The following AFF3 variants were observed in gnomAD, a reference collection of about 807,000 sequenced individuals.
The protein encoded by AFF3 is ALF transcription elongation factor 3, also known as AF4/FMR2 family member 3.
AFF3 carries 32 observed loss-of-function variants against 129.7 expected under a neutral mutation model. That is an observed-to-expected ratio of 0.25 (90% CI 0.19 to 0.33). The LOEUF (loss-of-function observed/expected upper bound fraction) is 0.33, where lower values mean the gene tolerates loss of function less well. Among genes scored for constraint, AFF3 ranks in the 10% least tolerant of loss-of-function variants. AFF3 has a pLI of 1.00. For synonymous variants in AFF3, 644 were observed against 635.4 expected, an observed-to-expected ratio of 1.01 and a Z score of -0.20; for missense variants, 1,373 against 1,592.0, an observed-to-expected ratio of 0.86 and a Z score of 2.34.
intron 12 of AFF3, among the ~76,000 whole-genome samples, chr2:99,650,416 G>A (rs908643814): frequency 2.7e-4 from 41 of 152,110 alleles, no homozygotes; most frequent in African/African-American, 9.4e-4. Flanking sequence ...AAAATTAGCT[G>A]GGTGTGGTGG....
intron 7 of AFF3, among the ~76,000 whole-genome samples, chr2:99,945,411 T>C (rs983557255): frequency 8.5e-5 from 13 of 152,182 alleles, no homozygotes; most frequent in African/African-American, 3.1e-4. Flanking sequence ...TCCCTGGGTC[T>C]CCCAGTTCTC....
chr2:100,041,012 C>T (rs1685381860), intron 4 of AFF3, among the ~76,000 whole-genome samples: 1 of 152,220 alleles, frequency 6.6e-6, no homozygotes, highest in Admixed American at 6.5e-5. Flanking sequence ...CAAGTCAATG[C>T]AGAGCCAAAG....
intron 14 of AFF3, among the ~76,000 whole-genome samples, chr2:99,596,370 T>A (rs1575462829): frequency 6.6e-6 from 1 of 152,050 alleles, no homozygotes. Context: ...TCACCTCCCC[T>A]GAGATTAGCT....
At chr2:99,637,087 G>C (rs1222660112) in intron 13 of AFF3, among the ~76,000 whole-genome samples, 2 of 152,224 alleles carry the variant, frequency 1.3e-5, no homozygotes, top group African/African-American at 4.8e-5. Flanking sequence ...GAGGACGGGA[G>C]TGGGTAGAGG....
Position 99,551,397 on chromosome 2 carries a change from G to T in AFF3, c.*77C>A. ...AGTCTGATAAATGCTGTGGCTGGGA[G>T]TTTCAGTAGCACAGTGTCCAAAAAC... On this transcript the variant is annotated 3_prime_UTR_variant, in exon 25 of 25. Coordinates refer to ENST00000672756, the MANE Select transcript of AFF3 (RefSeq NM_001386135.1). 1 of 1,572,268 alleles carries T rather than the reference G, an allele frequency of 6.4e-7. No homozygotes were observed. The highest frequency in any genetic ancestry group is 8.7e-7 in the Non-Finnish European group (1 of 1,152,480).
At chr2:100,021,956 T>C (rs369304374) in intron 4 of AFF3, among the ~76,000 whole-genome samples, 88 of 152,178 alleles carry the variant, frequency 5.8e-4, no homozygotes, top group African/African-American at 2.0e-3. Context: ...ACAAAAAATG[T>C]CTGTGACCAC....
chr2:99,606,915 C>CAA (rs10680840), intron 13 of AFF3, among the ~76,000 whole-genome samples: 15,959 of 57,468 alleles, frequency 0.28, 2,050 homozygotes, highest in Non-Finnish European at 0.33. Context: ...CTCCGTCTCA[C>CAA]AAAAAAAAAA....
intron 2 of AFF3, chr2:100,106,978 A>G: frequency 1.0e-6 from 1 of 985,498 alleles, no homozygotes; most frequent in Non-Finnish European, 1.2e-6. Flanking sequence ...GTTTGAATTT[A>G]AACTCTGGTG....
At chr2:100,044,899 C>T (rs1283153049) in intron 4 of AFF3, among the ~76,000 whole-genome samples, 2 of 152,020 alleles carry the variant, frequency 1.3e-5, no homozygotes, top group Non-Finnish European at 1.5e-5. Flanking sequence ...ACAGCAGCCT[C>T]GCTGTCCAGC....
Position 99,551,470 on chromosome 2 carries a change from G to T in AFF3, c.*4C>A. 1.9e-6 allele frequency: 3 copies of T among 1,614,020 alleles called. No homozygotes were observed. The highest frequency in any genetic ancestry group is 1.1e-5 in the South Asian group (1 of 91,058). ...GAGCCCACTCTGGCCCCAGGGTGAG[G>T]TCCCTATGACAGGTGGGCGCTGTTC... On this transcript the variant is annotated 3_prime_UTR_variant, in exon 25 of 25. Coordinates refer to ENST00000672756, the MANE Select transcript of AFF3 (RefSeq NM_001386135.1).
At chr2:99,910,198 A>G (rs757786253) in intron 7 of AFF3, among the ~76,000 whole-genome samples, 5 of 152,180 alleles carry the variant, frequency 3.3e-5, no homozygotes, top group Non-Finnish European at 4.4e-5. Context: ...TTCAGGAGAA[A>G]AGCACTCTTA....
At chr2:99,653,954 A>C (rs1685517860) in intron 12 of AFF3, among the ~76,000 whole-genome samples, 1 of 131,770 alleles carries the variant, frequency 7.6e-6, no homozygotes, top group African/African-American at 3.0e-5. Context: ...GTCTCAGCTT[A>C]CTGCAACCTC....
chr2:100,015,941 G>A (rs147124183), intron 4 of AFF3, among the ~76,000 whole-genome samples: 2,200 of 152,068 alleles, frequency 0.014, 59 homozygotes, highest in African/African-American at 0.05. Flanking sequence ...GGTTATGATG[G>A]TGGTGGTGGT....
At chr2:99,830,291 A>C (rs1184133784) in intron 8 of AFF3, among the ~76,000 whole-genome samples, 1 of 152,300 alleles carries the variant, frequency 6.6e-6, no homozygotes, top group East Asian at 1.9e-4. Context: ...AGTAAAAAAA[A>C]AATAAAAATA....
chr2:99,755,981 A>T (rs940612987), intron 8 of AFF3, among the ~76,000 whole-genome samples: 2 of 152,178 alleles, frequency 1.3e-5, no homozygotes, highest in African/African-American at 4.8e-5. Context: ...GGCTTCTCTG[A>T]TTCTATACTT....
intron 4 of AFF3, among the ~76,000 whole-genome samples, chr2:100,041,616 G>A: frequency 6.6e-6 from 1 of 152,246 alleles, no homozygotes; most frequent in African/African-American, 2.4e-5. Context: ...GTAGCCACAG[G>A]GGATATACAG....
chr2:99,667,876 G>A (rs1454868537), intron 12 of AFF3, among the ~76,000 whole-genome samples: 3 of 151,040 alleles, frequency 2.0e-5, no homozygotes, highest in Non-Finnish European at 4.4e-5. Context: ...TTTTTTTTTG[G>A]CTGGGCGTGG....
Position 100,006,843 on chromosome 2 carries a change from G to A in AFF3, c.662C>T (p.Ala221Val). Residue 221 changes from alanine (A) to valine (V), a missense_variant, in exon 7 of 25, where the codon GCT becomes GTT. Coordinates refer to ENST00000672756, the MANE Select transcript of AFF3 (RefSeq NM_001386135.1). ...CTGCTGGACCAGGCTGGGTTTTGAAGCTAGGGATGGAGGAAAGTTCTGAAC... is the reference window on the plus strand; with the variant it reads ...CTGCTGGACCAGGCTGGGTTTTGAAACTAGGGATGGAGGAAAGTTCTGAAC... The part of the protein sequence containing the change: ...HCVQNFPPSL[A>V]SKPSLVQQKP... 1 of 1,614,220 alleles carries A rather than the reference G, an allele frequency of 6.2e-7. No homozygotes were observed. Among genetic ancestry groups the A allele is most frequent in the South Asian group, 1.1e-5 (1 of 91,086 alleles).
intron 10 of AFF3, among the ~76,000 whole-genome samples, chr2:99,735,152 AG>A (rs1469944879): frequency 1.3e-5 from 2 of 152,172 alleles, no homozygotes; most frequent in Non-Finnish European, 2.9e-5. Flanking sequence ...CATTTCGTCT[AG>A]TTTTGAAAAA....
Sources: allele counts gnomAD v4.1 joint callset (sites outside exome capture counted in the v4.1 genomes callset), GRCh38; gene constraint gnomAD v4.1.1; transcripts MANE v1.5; gene names NCBI Gene and HGNC (gene_info 2026-07-23, HGNC 2026-07-21).